Variants in MANBAL observed in about 807,000 individuals in gnomAD.
The protein encoded by MANBAL is mannosidase beta like.
Under a neutral mutation model 6.4 loss-of-function variants are expected in MANBAL, and 1 was observed. The ratio of observed to expected loss-of-function variants is 0.16; its 90% CI spans 0.06 to 0.74. MANBAL has a LOEUF of 0.74. MANBAL is among the 30% of genes least tolerant of loss of function. The pLI is 0.78. For synonymous variants in MANBAL, 47 were observed against 45.8 expected (o/e 1.03, Z -0.10); for missense variants, 100 against 107.8 (o/e 0.93, Z 0.32).
intron 1 of MANBAL, among the ~76,000 whole-genome samples, chr20:37,293,044 C>G (rs763258490): frequency 1.3e-5 from 2 of 152,220 alleles, no homozygotes; most frequent in Admixed American, 6.5e-5. Flanking sequence ...TAACTGATGT[C>G]CAACTCTTAT....
Position 37,316,705 on chromosome 20 carries a change from C to G in MANBAL, c.*290C>G. On this transcript the variant is annotated 3_prime_UTR_variant, in exon 3 of 3. Transcript: ENST00000373606. ...GAAGCCGGGTCAGCTCACAGAGTCA[C>G]ATTTTCTTGCTTAGTCATGTGTCCC... 1 of 245,016 alleles carries G rather than the reference C, an allele frequency of 4.1e-6. No individual in the cohort carries two copies. The allele number at this position is 245,016 out of a possible 1,614,324, so 15.2% of individuals were successfully genotyped here.
At chr20:37,294,588 C>T (rs2068949399) in intron 1 of MANBAL, among the ~76,000 whole-genome samples, 1 of 152,262 alleles carries the variant, frequency 6.6e-6, no homozygotes, top group African/African-American at 2.4e-5. Context: ...GGACTTGGCC[C>T]TTGCCGTCCC....
At chr20:37,311,377 G>A (rs1247456958) in intron 2 of MANBAL, among the ~76,000 whole-genome samples, 1 of 152,238 alleles carries the variant, frequency 6.6e-6, no homozygotes, top group Non-Finnish European at 1.5e-5. Flanking sequence ...CCCCTGCTGG[G>A]TGTCTTGGAA....
chr20:37,292,236 G>A (rs2068887723), intron 1 of MANBAL, among the ~76,000 whole-genome samples: 1 of 152,174 alleles, frequency 6.6e-6, no homozygotes, highest in Non-Finnish European at 1.5e-5. Flanking sequence ...GGAGTTCTCT[G>A]TGGGAAATTT....
chr20:37,293,939 G>C (rs1568597750), intron 1 of MANBAL, among the ~76,000 whole-genome samples: 1 of 152,104 alleles, frequency 6.6e-6, no homozygotes, highest in African/African-American at 2.4e-5. Flanking sequence ...GGAACACCCT[G>C]ACTTCATGCG....
chr20:37,304,673 A>C (rs1358086513), intron 2 of MANBAL, among the ~76,000 whole-genome samples: 1 of 152,168 alleles, frequency 6.6e-6, no homozygotes, highest in African/African-American at 2.4e-5. Context: ...TGGGAGGATG[A>C]TGGGGAATTA....
At chr20:37,293,390 C>T (rs1212933438) in intron 1 of MANBAL, among the ~76,000 whole-genome samples, 4 of 152,208 alleles carry the variant, frequency 2.6e-5, no homozygotes, top group African/African-American at 9.6e-5. Context: ...CCCTCACATG[C>T]ACAGTTCACA....
chr20:37,316,719 G>C lies in MANBAL; in HGVS notation c.*304G>C. 1 of 242,086 alleles carries C rather than the reference G, an allele frequency of 4.1e-6. No homozygotes were observed. The highest frequency in any genetic ancestry group is 8.1e-6 in the Non-Finnish European group (1 of 123,666). The allele number at this position is 242,086 out of a possible 1,614,324, so 15.0% of individuals were successfully genotyped here. On this transcript the variant is annotated 3_prime_UTR_variant, in exon 3 of 3. Transcript: ENST00000373606. ...TCACAGAGTCACATTTTCTTGCTTAGTCATGTGTCCCTCCTTGAGTTGCCC... is the reference window on the plus strand; with the variant it reads ...TCACAGAGTCACATTTTCTTGCTTACTCATGTGTCCCTCCTTGAGTTGCCC...
chr20:37,305,012 G>T (rs2069225526), intron 2 of MANBAL, among the ~76,000 whole-genome samples: 2 of 152,170 alleles, frequency 1.3e-5, no homozygotes, highest in Non-Finnish European at 2.9e-5. Flanking sequence ...CACAGGCAGG[G>T]GAGGAGCAGC....
In MANBAL at chr20:37,316,521, G is replaced by T. The variant is rs1484187553; in HGVS notation, c.*106G>T. On this transcript the variant is annotated 3_prime_UTR_variant, in exon 3 of 3. Coordinates refer to ENST00000373606, the MANE Select transcript of MANBAL (RefSeq NM_001003897.2). ...GCATTCCAGGCTCAGGGTCTGAGGA[G>T]GCTGTGACGCCCTATGACCGCAGAG... 5.2e-6 allele frequency: 5 copies of T among 953,478 alleles called. No homozygotes were observed. The African/African-American group carries it at 6.7e-5, about 13-fold the overall frequency. The allele number at this position is 953,478 out of a possible 1,614,324, so 59.1% of individuals were successfully genotyped here. A position where few individuals can be genotyped will look rare whatever the true frequency, so the allele number is the denominator to read the frequency against.
chr20:37,310,866 C>T (rs1261198387), intron 2 of MANBAL, among the ~76,000 whole-genome samples: 1 of 152,164 alleles, frequency 6.6e-6, no homozygotes, highest in Non-Finnish European at 1.5e-5. Flanking sequence ...GCAGGGCTGT[C>T]GGCTTTGTAG....
chr20:37,311,717 C>A (rs2069391441), intron 2 of MANBAL, among the ~76,000 whole-genome samples: 1 of 152,230 alleles, frequency 6.6e-6, no homozygotes, highest in South Asian at 2.1e-4. Flanking sequence ...GAACTCCCGA[C>A]CTCAGGTGAT....
chr20:37,309,726 A>G (rs1240912874), intron 2 of MANBAL, among the ~76,000 whole-genome samples: 1 of 152,186 alleles, frequency 6.6e-6, no homozygotes, highest in Non-Finnish European at 1.5e-5. Context: ...CTAGAAGGTC[A>G]GGACTCTTCT....
Position 37,302,342 on chromosome 20 carries a change from T to C in MANBAL, c.150+929T>C, listed in dbSNP as rs775093994. On this transcript the variant is annotated intron_variant, in intron 2 of 2. Coordinates refer to ENST00000373606, the MANE Select transcript of MANBAL (RefSeq NM_001003897.2). ...TTATTGGGTACGAATACCTCAGAGC[T>C]GGTGCTATGTACTCCCTACTGTGTG... 39 of 1,550,398 alleles carry C rather than the reference T, an allele frequency of 2.5e-5. No individual in the cohort carries two copies. In the African/African-American group the frequency reaches 4.0e-4, roughly 16 times the overall value.
chr20:37,308,073 CTGCT>C (rs1201014285), intron 2 of MANBAL, among the ~76,000 whole-genome samples: 8 of 152,180 alleles, frequency 5.3e-5, no homozygotes, highest in African/African-American at 1.7e-4. Flanking sequence ...CCCTGCTTCT[CTGCT>C]TGCTGGCCCT....
intron 1 of MANBAL, among the ~76,000 whole-genome samples, chr20:37,294,409 C>G (rs887244832): frequency 6.6e-6 from 1 of 152,224 alleles, no homozygotes; most frequent in Non-Finnish European, 1.5e-5. Flanking sequence ...AGTCTGTTGT[C>G]AACAAAGCAG....
chr20:37,293,503 A>T (rs888361601), intron 1 of MANBAL, among the ~76,000 whole-genome samples: 16 of 152,180 alleles, frequency 1.1e-4, no homozygotes, highest in African/African-American at 3.9e-4. Flanking sequence ...TAAATATAAA[A>T]GAAACTTCGC....
chr20:37,291,861 T>G (rs1189477678), intron 1 of MANBAL, among the ~76,000 whole-genome samples: 1 of 152,230 alleles, frequency 6.6e-6, no homozygotes, highest in Non-Finnish European at 1.5e-5. Flanking sequence ...GCCGTGATTG[T>G]GAGGCCTACC....
chr20:37,299,105 G>A (rs2069073201), intron 1 of MANBAL, among the ~76,000 whole-genome samples: 1 of 151,910 alleles, frequency 6.6e-6, no homozygotes, highest in Non-Finnish European at 1.5e-5. Context: ...GGTGGGGGCA[G>A]GGTCTCGCTC....
Sources: allele counts gnomAD v4.1 joint callset (sites outside exome capture counted in the v4.1 genomes callset), GRCh38; gene constraint gnomAD v4.1.1; transcripts MANE v1.5; gene names NCBI Gene and HGNC (gene_info 2026-07-23, HGNC 2026-07-21).